The following ITGB2 variants were observed in gnomAD, a reference collection of about 807,000 sequenced individuals.
The protein encoded by ITGB2 is integrin beta-2.
In ITGB2, 56 loss-of-function variants were observed where a neutral mutation model predicts 86.8. The ratio of observed to expected loss-of-function variants is 0.65; its 90% CI spans 0.52 to 0.81. ITGB2 has a LOEUF of 0.81. Among genes scored for constraint, ITGB2 ranks in the 30% least tolerant of loss-of-function variants. ITGB2 has a pLI of 0.00. For synonymous variants in ITGB2, 457 were observed against 450.4 expected (o/e 1.01, Z -0.19); for missense variants, 948 against 1,061.2 (o/e 0.89, Z 1.48).
intron 4 of ITGB2, among the ~76,000 whole-genome samples, chr21:44,904,286 G>A (rs2084009799): frequency 1.3e-5 from 2 of 151,538 alleles, no homozygotes; most frequent in South Asian, 4.1e-4. Flanking sequence ...AAGGGTATGT[G>A]CCCCTCCTCA....
rs1336826520 is a variant in ITGB2 at position 44,899,470 on chromosome 21, G to GCACTGAGGGACA, written c.898-320_898-309dup. The stretch of plus-strand genomic sequence containing the variant: ...TTCCCCACACGGTGGACCTGCTTTC[G>GCACTGAGGGACA]CACTGAGGGACACTCAGTTTCGGTA... On this transcript the variant is annotated intron_variant, in intron 7 of 15. Coordinates refer to ENST00000652462, the MANE Select transcript of ITGB2 (RefSeq NM_000211.5). Among the ~76,000 whole-genome samples the GCACTGAGGGACA allele has an allele frequency of 1.5e-4, 23 of 152,342 alleles. 1 individual carries two copies. Among genetic ancestry groups the GCACTGAGGGACA allele is most frequent in the Admixed American group, 3.3e-4 (5 of 15,300 alleles).
chr21:44,893,600 G>A, intron 9 of ITGB2, 56 bp from the exon 10 acceptor site: 1 of 1,607,440 alleles, frequency 6.2e-7, no homozygotes, highest in South Asian at 1.1e-5. Flanking sequence ...TCCTGGCCCT[G>A]CCTGGCCCAG....
chr21:44,887,997 G>T (rs1163701696), intron 14 of ITGB2, among the ~76,000 whole-genome samples: 1 of 152,240 alleles, frequency 6.6e-6, no homozygotes, highest in Non-Finnish European at 1.5e-5. Flanking sequence ...CCTCTCAGGA[G>T]CCTGTGGAAC....
intron 8 of ITGB2, among the ~76,000 whole-genome samples, chr21:44,895,649 T>C (rs1249456630): frequency 1.3e-5 from 2 of 152,120 alleles, no homozygotes; most frequent in African/African-American, 4.8e-5. Context: ...GAGACCAGCC[T>C]GGCCAACATG....
intron 3 of ITGB2, chr21:44,909,374 T>C (rs2084094754): frequency 6.6e-6 from 1 of 152,304 alleles, no homozygotes. Flanking sequence ...CCGAGGGTCA[T>C]GCTACAAAGC....
At chr21:44,915,517 G>A (rs761922805) in intron 1 of ITGB2, among the ~76,000 whole-genome samples, 2 of 152,162 alleles carry the variant, frequency 1.3e-5, no homozygotes, top group African/African-American at 4.8e-5. Context: ...GGACGATGCC[G>A]CCAGGGGACA....
At position 44,888,895 on chromosome 21, in the gene ITGB2, G is replaced by C; in HGVS notation, c.1878C>G (p.Ile626Met). The change falls in exon 14 of 16, where the codon ATC becomes ATG. Residue 626 changes from isoleucine (I) to methionine (M), a missense_variant and splice_region_variant. Physicochemically the swap from Ile to Met is conservative, Grantham distance 10. Transcript: ENST00000652462. ...CGAACTTCAGGCACTCGGCGCAGGA[G>C]CTGCGGGGAGCCAGGTGTGAGCATC... ...PGCPSPCGKY[I>M]SCAECLKFEK... is the part of the protein sequence containing the mutation. 1 of 1,603,310 alleles carries C rather than the reference G, an allele frequency of 6.2e-7. No homozygotes were observed. The highest frequency in any genetic ancestry group is 8.5e-7 in the Non-Finnish European group (1 of 1,179,798).
intron 12 of ITGB2, among the ~76,000 whole-genome samples, chr21:44,889,721 C>T (rs1480356432): frequency 6.6e-6 from 1 of 152,206 alleles, no homozygotes; most frequent in Non-Finnish European, 1.5e-5. Flanking sequence ...AATGGGACCT[C>T]AATAGGGCTA....
intron 8 of ITGB2, among the ~76,000 whole-genome samples, chr21:44,895,832 CAATAA>C (rs200647510): frequency 0.026 from 3,759 of 144,106 alleles, 58 homozygotes; most frequent in Non-Finnish European, 0.03. Context: ...AACTCTGTCT[CAATAA>C]AATAAAATGA....
rs765209424 is a variant in ITGB2 at position 44,895,031 on chromosome 21, G to A, written c.1023C>T (p.Ala341=). The A allele has an allele frequency of 2.0e-5, 32 of 1,613,506 alleles. No homozygotes were observed. The highest frequency in any genetic ancestry group is 1.3e-4 in the African/African-American group (10 of 74,898). The change falls in exon 9 of 16, where the codon GCC becomes GCT. Residue 341 remains alanine, a synonymous_variant. Coordinates refer to ENST00000652462, the MANE Select transcript of ITGB2 (RefSeq NM_000211.5). ...TGGAGTCCTCAGACAGCTCCCCCAC[G>A]GCTGACTTGGGGATGATCTCGGTGA... The part of the protein sequence containing the change: ...EKLTEIIPKS[A]VGELSEDSSN...
At chr21:44,902,663 G>C (rs1006200398) in intron 5 of ITGB2, among the ~76,000 whole-genome samples, 1 of 151,958 alleles carries the variant, frequency 6.6e-6, no homozygotes, top group Non-Finnish European at 1.5e-5. Flanking sequence ...GCATTCGCAT[G>C]TGTGAGCGTG....
chr21:44,891,359 C>A (rs2083783372), intron 11 of ITGB2, among the ~76,000 whole-genome samples: 1 of 152,218 alleles, frequency 6.6e-6, no homozygotes, highest in South Asian at 2.1e-4. Flanking sequence ...ACCCATGCCC[C>A]AGGGCTGCCA....
chr21:44,913,164 C>T (rs1286053128), intron 1 of ITGB2, among the ~76,000 whole-genome samples: 1 of 151,976 alleles, frequency 6.6e-6, no homozygotes, highest in African/African-American at 2.4e-5. Context: ...GGCTTCAGGA[C>T]TCCCCCAGGT....
intron 4 of ITGB2, among the ~76,000 whole-genome samples, chr21:44,903,940 G>A (rs559625590): frequency 2.0e-5 from 3 of 152,248 alleles, no homozygotes; most frequent in African/African-American, 7.2e-5. Context: ...CACGAACCTG[G>A]CACTTCCCAG....
At chr21:44,893,607 C>T in intron 9 of ITGB2, 63 bp from the exon 10 acceptor site, 3 of 1,606,030 alleles carry the variant, frequency 1.9e-6, no homozygotes, top group South Asian at 1.1e-5. Flanking sequence ...CCTGCCTGGC[C>T]CAGCGGTTTA....
At chr21:44,902,368 T>A (rs1350306889) in intron 5 of ITGB2, among the ~76,000 whole-genome samples, 1 of 152,178 alleles carries the variant, frequency 6.6e-6, no homozygotes, top group Non-Finnish European at 1.5e-5. Flanking sequence ...CATTTGTGTG[T>A]GAGCGTGCAT....
At chr21:44,893,627 C>T in intron 9 of ITGB2, 83 bp from the exon 10 acceptor site, 1 of 1,555,916 alleles carries the variant, frequency 6.4e-7, no homozygotes, top group Non-Finnish European at 8.8e-7. Context: ...AGACCCGTCT[C>T]CACTTCTCCT....
At chr21:44,923,614 T>C (rs2084336063), upstream of ITGB2, among the ~76,000 whole-genome samples, 1 of 152,086 alleles carries the variant, frequency 6.6e-6, no homozygotes. Flanking sequence ...GTAGTAAGAT[T>C]AAAAAAACAT....
Position 44,903,424 on chromosome 21 carries a change from T to G in ITGB2, c.440A>C (p.Lys147Thr). The change falls in exon 5 of 16, where the codon AAG (lysine) becomes ACG (threonine). Residue 147 changes from lysine (K) to threonine (T), a missense_variant. Physicochemically the swap from Lys to Thr is moderately conservative, Grantham distance 78 (BLOSUM62 -1). Transcript: ENST00000652462. ...CCGGAGCAGGTCGCCACCTAGCTTCTTGACATTCCTGAGGTCATCAAGCAT... is the reference window on the plus strand; with the variant it reads ...CCGGAGCAGGTCGCCACCTAGCTTCGTGACATTCCTGAGGTCATCAAGCAT... ...YSMLDDLRNV[K>T]KLGGDLLRAL... is the part of the protein sequence containing the mutation. 1 of 1,614,090 alleles carries G rather than the reference T, an allele frequency of 6.2e-7. No homozygotes were observed. The highest frequency in any genetic ancestry group is 8.5e-7 in the Non-Finnish European group (1 of 1,179,974).
Sources: allele counts gnomAD v4.1 joint callset (sites outside exome capture counted in the v4.1 genomes callset), GRCh38; gene constraint gnomAD v4.1.1; transcripts MANE v1.5; gene names NCBI Gene and HGNC (gene_info 2026-07-23, HGNC 2026-07-21).